CERS5: variants seen among roughly 807,000 people sequenced by gnomAD.
CERS5 encodes the protein LAG1 homolog, ceramide synthase 5.
Under a neutral mutation model 58.9 loss-of-function variants are expected in CERS5, and 37 were observed. The ratio of observed to expected loss-of-function variants is 0.63; its 90% CI spans 0.48 to 0.83. The LOEUF (loss-of-function observed/expected upper bound fraction) is 0.83. Ranked by LOEUF, CERS5 falls within the 40% of genes least tolerant of loss-of-function variation. The probability of loss-of-function intolerance (pLI) is 0.00; values close to 1 mark genes in which losing one functional copy is unlikely to be tolerated. For synonymous variants in CERS5, 147 were observed against 177.8 expected (o/e 0.83, Z 1.38); for missense variants, 398 against 489.3 (o/e 0.81, Z 1.76).
intron 6 of CERS5, among the ~76,000 whole-genome samples, chr12:50,137,367 G>A (rs759197131): frequency 9.9e-5 from 15 of 152,108 alleles, no homozygotes; most frequent in Non-Finnish European, 2.1e-4. Flanking sequence ...AATGCCATGT[G>A]AAAGCCATAT....
chr12:50,154,986 T>C (rs1308232035), intron 1 of CERS5, among the ~76,000 whole-genome samples: 1 of 152,168 alleles, frequency 6.6e-6, no homozygotes, highest in Non-Finnish European at 1.5e-5. Flanking sequence ...GCTGCCCAAG[T>C]AGCTGGGACT....
Position 50,130,307 on chromosome 12 carries a change from A to C in CERS5, c.*238T>G. 2.6e-6 allele frequency: 1 copy of C among 382,040 alleles called. No homozygotes were observed. Among genetic ancestry groups the C allele is most frequent in the Non-Finnish European group, 4.7e-6 (1 of 213,524 alleles). 23.7% of individuals were successfully genotyped at this position (382,040 alleles called of 1,614,324 possible). A position where few individuals can be genotyped will look rare whatever the true frequency, so the allele number is the denominator to read the frequency against. Reference sequence around the variant, plus strand: ...CAATGAAACTCACGCATATGCACAAACGCACATCAACAAACACACAAAAAC... The same window carrying C: ...CAATGAAACTCACGCATATGCACAACCGCACATCAACAAACACACAAAAAC... On this transcript the variant is annotated 3_prime_UTR_variant, in exon 10 of 10. Transcript: ENST00000317551.
rs1343428354 is a variant in CERS5, at chr12:50,131,054, C to T, written c.1030-360G>A. Among the ~76,000 whole-genome samples, 3 of 152,186 alleles carry T rather than the reference C, an allele frequency of 2.0e-5. No homozygotes were observed. The South Asian group carries it at 6.2e-4, about 32-fold the overall frequency. ...ACAGGGAAGGCCAACACGAACAATACGTATGACTGTCAGCAATGCTTCTAT... is the reference window on the plus strand; with the variant it reads ...ACAGGGAAGGCCAACACGAACAATATGTATGACTGTCAGCAATGCTTCTAT... On this transcript the variant is annotated intron_variant, in intron 9 of 9. Transcript: ENST00000317551.
In CERS5 at chr12:50,135,759, A is replaced by C; in HGVS notation, c.845T>G (p.Val282Gly). 1 of 1,613,766 alleles carries C rather than the reference A, an allele frequency of 6.2e-7. No individual in the cohort carries two copies. The highest frequency in any genetic ancestry group is 8.5e-7 in the Non-Finnish European group (1 of 1,179,670). The change falls in exon 8 of 10, where the codon GTT becomes GGT. Residue 282 changes from valine (V) to glycine (G), a missense_variant. Physicochemically the swap from Val to Gly is moderately radical, Grantham distance 109 (BLOSUM62 -3). Around this residue, in one of 3 missense-constraint regions of CERS5, gnomAD observed 328 missense variants for 384.5 expected, o/e 0.85. Transcript: ENST00000317551. The part of the protein sequence containing the change: ...LFVIFSAVFM[V>G]TRLGIYPFWI... Reference sequence around the variant, plus strand: ...GAATGGATAGATTCCTAGTCGTGTAACCATAAAAACAGCACTGAAGATCAC... The same window carrying C: ...GAATGGATAGATTCCTAGTCGTGTACCCATAAAAACAGCACTGAAGATCAC...
chr12:50,149,067 A>G (rs1290640029), intron 1 of CERS5, among the ~76,000 whole-genome samples: 1 of 151,410 alleles, frequency 6.6e-6, no homozygotes, highest in East Asian at 1.9e-4. Flanking sequence ...GGTACTATCC[A>G]CATAAACAAA....
At position 50,138,988 on chromosome 12, in the gene CERS5, T is replaced by C. The variant is rs1164644141; in HGVS notation, c.493-371A>G. 2.0e-5 allele frequency among the ~76,000 whole-genome samples: 3 copies of C among 152,350 alleles called. No individual in the cohort carries two copies. The East Asian group carries it at 5.8e-4, about 29-fold the overall frequency. On this transcript the variant is annotated intron_variant, in intron 4 of 9. Transcript: ENST00000317551. ...CTAATGGAATAATGATTATGTCCTT[T>C]AAGGAGTTTGTCTACATCATCTTTG...
intron 1 of CERS5, 21 bp downstream of exon 1, chr12:50,167,080 C>G: frequency 6.7e-7 from 1 of 1,502,016 alleles, no homozygotes; most frequent in South Asian, 1.2e-5. Flanking sequence ...GCCCCCGAGC[C>G]GCTCGCTCCC....
At chr12:50,160,319 G>GA (rs1229752362) in intron 1 of CERS5, among the ~76,000 whole-genome samples, 27 of 127,592 alleles carry the variant, frequency 2.1e-4, no homozygotes, top group Admixed American at 7.0e-4. Flanking sequence ...AAAAAAAAAA[G>GA]AAAAAAAAAA....
chr12:50,144,942 T>G, intron 1 of CERS5: 1 of 426,950 alleles, frequency 2.3e-6, no homozygotes, highest in South Asian at 3.3e-5. Flanking sequence ...GAGACCAGCC[T>G]GGTCAACATA....
chr12:50,138,500 A>G, intron 5 of CERS5, 67 bp downstream of exon 5: 4 of 1,328,110 alleles, frequency 3.0e-6, no homozygotes, highest in East Asian at 2.3e-5. Flanking sequence ...GGGACTGGCA[A>G]AGGACCCTCA....
chr12:50,162,672 T>G lies in CERS5; in HGVS notation c.197+4429A>C, dbSNP rs545042272. On this transcript the variant is annotated intron_variant, in intron 1 of 9. Coordinates refer to ENST00000317551, the MANE Select transcript of CERS5 (RefSeq NM_147190.5). ...AAGCTGGAGTGCAGTGGTGTGATCT[T>G]GGCTCACTGCAACCTCCACCTCCCG... 3.9e-5 allele frequency among the ~76,000 whole-genome samples: 6 copies of G among 152,118 alleles called. No homozygotes were observed. In the South Asian group the frequency reaches 1.2e-3, roughly 32 times the overall value.
At chr12:50,158,121 A>T (rs865955154) in intron 1 of CERS5, among the ~76,000 whole-genome samples, 1 of 151,668 alleles carries the variant, frequency 6.6e-6, no homozygotes, top group South Asian at 2.1e-4. Context: ...ATGCATGTAG[A>T]TTGTATATTT....
chr12:50,142,490 C>T (rs1324790175), intron 3 of CERS5, among the ~76,000 whole-genome samples: 1 of 141,656 alleles, frequency 7.1e-6, no homozygotes, highest in Non-Finnish European at 1.5e-5. Context: ...GCGGAGGTTG[C>T]AGTGAGCAGA....
At chr12:50,151,644 A>G (rs1937970663) in intron 1 of CERS5, among the ~76,000 whole-genome samples, 1 of 152,204 alleles carries the variant, frequency 6.6e-6, no homozygotes, top group South Asian at 2.1e-4. Flanking sequence ...CCTAGGACAA[A>G]GTAAACACTT....
Position 50,162,057 on chromosome 12 carries a change from G to A in CERS5, c.197+5044C>T, listed in dbSNP as rs141008098. On this transcript the variant is annotated intron_variant, in intron 1 of 9. Coordinates refer to ENST00000317551, the MANE Select transcript of CERS5 (RefSeq NM_147190.5). ...ACCCAGCTAATTTCTTGTATTTTTA[G>A]TAAAGACAGGGTTTCACCATGTTGG... 1.2e-3 allele frequency among the ~76,000 whole-genome samples: 178 copies of A among 151,328 alleles called. 1 individual carries two copies. The highest frequency in any genetic ancestry group is 3.9e-3 in the African/African-American group (163 of 41,338).
intron 9 of CERS5, among the ~76,000 whole-genome samples, chr12:50,131,422 G>A (rs1448464902): frequency 6.6e-6 from 1 of 151,982 alleles, no homozygotes; most frequent in Non-Finnish European, 1.5e-5. Context: ...AGCCGGGTGT[G>A]GTGGCGCGCA....
intron 1 of CERS5, among the ~76,000 whole-genome samples, chr12:50,155,874 G>A (rs1332021288): frequency 2.0e-5 from 3 of 151,504 alleles, no homozygotes; most frequent in Non-Finnish European, 4.4e-5. Context: ...AGGCCAAGGC[G>A]GGTGGATCAC....
intron 1 of CERS5, among the ~76,000 whole-genome samples, chr12:50,151,474 G>A (rs1311818842): frequency 1.3e-5 from 2 of 151,948 alleles, no homozygotes; most frequent in Non-Finnish European, 2.9e-5. Context: ...TACCTCTTTG[G>A]CAGTGGAACT....
At chr12:50,148,927 A>AAAT (rs1952489128) in intron 1 of CERS5, among the ~76,000 whole-genome samples, 7 of 48,006 alleles carry the variant, frequency 1.5e-4, no homozygotes, top group African/African-American at 3.8e-4. Flanking sequence ...AAAAAAAAAA[A>AAAT]ATATATATAT....
Sources: allele counts gnomAD v4.1 joint callset (sites outside exome capture counted in the v4.1 genomes callset), GRCh38; gene constraint gnomAD v4.1.1; regional missense constraint gnomAD v4.1.1; transcripts MANE v1.5; gene names NCBI Gene and HGNC (gene_info 2026-07-23, HGNC 2026-07-21).